Variants in CNTNAP2 observed in about 807,000 individuals in gnomAD.
CNTNAP2 encodes the protein contactin associated protein 2, also known as contactin-associated protein-like 2.
In CNTNAP2, 98 loss-of-function variants were observed where a neutral mutation model predicts 155.2. The ratio of observed to expected loss-of-function variants is 0.63; its 90% CI spans 0.54 to 0.75. CNTNAP2 has a LOEUF of 0.75. Among genes scored for constraint, CNTNAP2 ranks in the 30% least tolerant of loss-of-function variants. The pLI, the probability that CNTNAP2 is intolerant of heterozygous loss-of-function variation, is 0.00. For missense variants in CNTNAP2, 1,727 were observed against 1,688.1 expected, an observed-to-expected ratio of 1.02 and a Z score of -0.40; for synonymous variants, 651 against 631.2, an observed-to-expected ratio of 1.03 and a Z score of -0.47.
intron 1 of CNTNAP2, among the ~76,000 whole-genome samples, chr7:146,519,711 C>CA (rs1418091964): frequency 2.0e-5 from 3 of 151,826 alleles, no homozygotes; most frequent in African/African-American, 7.3e-5. Context: ...AAGAAGCAAA[C>CA]AGACACGCAG....
intron 1 of CNTNAP2, among the ~76,000 whole-genome samples, chr7:146,624,429 G>T (rs1452786548): frequency 6.6e-6 from 1 of 151,822 alleles, no homozygotes; most frequent in Admixed American, 6.6e-5. Context: ...TATAGTTGGT[G>T]TCTGTTATTT....
intron 10 of CNTNAP2, among the ~76,000 whole-genome samples, chr7:147,420,506 A>C (rs1797272566): frequency 6.6e-6 from 1 of 152,320 alleles, no homozygotes; most frequent in African/African-American, 2.4e-5. Context: ...AATGATATTT[A>C]TTGAGGGTCA....
At chr7:147,421,309 A>G (rs988907188) in intron 10 of CNTNAP2, among the ~76,000 whole-genome samples, 8 of 152,204 alleles carry the variant, frequency 5.3e-5, no homozygotes, top group African/African-American at 1.9e-4. Context: ...AATTAGAGAA[A>G]TAGAAACTAC....
intron 1 of CNTNAP2, among the ~76,000 whole-genome samples, chr7:146,167,049 A>G (rs557772560): frequency 1.2e-4 from 19 of 152,120 alleles, no homozygotes; most frequent in Admixed American, 2.0e-4. Context: ...AAGCTGGGGA[A>G]TTTTAATTGA....
chr7:146,366,147 G>A (rs1031477454), intron 1 of CNTNAP2, among the ~76,000 whole-genome samples: 4 of 152,068 alleles, frequency 2.6e-5, no homozygotes, highest in Non-Finnish European at 4.4e-5. Flanking sequence ...CATACTGATG[G>A]TGATTTTTGT....
chr7:147,148,731 A>G (rs1801764936), intron 8 of CNTNAP2, among the ~76,000 whole-genome samples: 1 of 152,186 alleles, frequency 6.6e-6, no homozygotes, highest in African/African-American at 2.4e-5. Flanking sequence ...TACAGCTGTT[A>G]AAGGTGGCAC....
chr7:146,820,939 G>A (rs534276817), intron 2 of CNTNAP2, among the ~76,000 whole-genome samples: 130 of 152,128 alleles, frequency 8.5e-4, no homozygotes, highest in Middle Eastern at 6.8e-3. Flanking sequence ...TGTCTCTTTT[G>A]ATCTTTGTTG....
intron 1 of CNTNAP2, among the ~76,000 whole-genome samples, chr7:146,528,852 A>T (rs1303519508): frequency 6.6e-6 from 1 of 152,166 alleles, no homozygotes; most frequent in African/African-American, 2.4e-5. Context: ...GCTCAGTTAC[A>T]CCGAATGCTG....
chr7:148,143,347 A>G (rs996293256), intron 16 of CNTNAP2, among the ~76,000 whole-genome samples: 3 of 152,246 alleles, frequency 2.0e-5, no homozygotes, highest in African/African-American at 4.8e-5. Context: ...CATATCTCAC[A>G]TAAGAAATCC....
chr7:146,693,401 T>A (rs909673286), intron 1 of CNTNAP2, among the ~76,000 whole-genome samples: 5 of 152,136 alleles, frequency 3.3e-5, no homozygotes, highest in Non-Finnish European at 7.4e-5. Flanking sequence ...CTCCATTAAC[T>A]TTGTTTCTTC....
intron 18 of CNTNAP2, among the ~76,000 whole-genome samples, chr7:148,196,918 T>A (rs1179023552): frequency 1.3e-5 from 2 of 152,168 alleles, no homozygotes; most frequent in African/African-American, 4.8e-5. Flanking sequence ...AGGGAGGGAT[T>A]CAGGGAGCAG....
chr7:147,607,619 G>A (rs1442099423), intron 12 of CNTNAP2, among the ~76,000 whole-genome samples: 1 of 152,144 alleles, frequency 6.6e-6, no homozygotes, highest in Non-Finnish European at 1.5e-5. Flanking sequence ...TGAAGACACA[G>A]ACTGTGATGT....
intron 16 of CNTNAP2, chr7:148,133,745 G>C (rs1224859752): frequency 2.0e-5 from 3 of 152,220 alleles, no homozygotes; most frequent in Non-Finnish European, 2.9e-5. Flanking sequence ...TTACTGGCTG[G>C]GTAGCAGCTT....
chr7:148,004,772 T>C (rs1407475918), intron 15 of CNTNAP2, among the ~76,000 whole-genome samples: 1 of 152,192 alleles, frequency 6.6e-6, no homozygotes, highest in Non-Finnish European at 1.5e-5. Flanking sequence ...TATTATAGTT[T>C]GGTTAGATTT....
intron 11 of CNTNAP2, among the ~76,000 whole-genome samples, chr7:147,511,343 A>T (rs1799017038): frequency 6.6e-6 from 1 of 152,144 alleles, no homozygotes; most frequent in Non-Finnish European, 1.5e-5. Flanking sequence ...ATCAGCACCA[A>T]GAATTCATAG....
At chr7:148,143,574 G>A (rs1250294659) in intron 16 of CNTNAP2, among the ~76,000 whole-genome samples, 1 of 152,198 alleles carries the variant, frequency 6.6e-6, no homozygotes, top group Admixed American at 6.5e-5. Context: ...AGCTACTTGA[G>A]AGGCTGAGGT....
At chr7:147,027,356 C>G (rs1292387126) in intron 3 of CNTNAP2, among the ~76,000 whole-genome samples, 2 of 152,182 alleles carry the variant, frequency 1.3e-5, no homozygotes, top group African/African-American at 4.8e-5. Flanking sequence ...GTATAACCAG[C>G]TACTTAACTC....
intron 16 of CNTNAP2, among the ~76,000 whole-genome samples, chr7:148,122,541 G>T (rs1202703473): frequency 1.3e-5 from 2 of 152,158 alleles, no homozygotes; most frequent in African/African-American, 4.8e-5. Flanking sequence ...CAGTGGGGAG[G>T]GGCAGGGGCC....
intron 8 of CNTNAP2, among the ~76,000 whole-genome samples, chr7:147,218,890 A>G (rs1388319901): frequency 6.6e-6 from 1 of 152,206 alleles, no homozygotes; most frequent in Non-Finnish European, 1.5e-5. Flanking sequence ...TTTGCCTCAC[A>G]TACTTTGCTG....
Sources: allele counts gnomAD v4.1 joint callset (sites outside exome capture counted in the v4.1 genomes callset), GRCh38; gene constraint gnomAD v4.1.1; transcripts MANE v1.5; gene names NCBI Gene and HGNC (gene_info 2026-07-23, HGNC 2026-07-21).